ADAMTS20: variants seen among roughly 807,000 people sequenced by gnomAD.
ADAMTS20 encodes the protein A disintegrin and metalloproteinase with thrombospondin motifs 20.
A neutral mutation model predicts 260.1 loss-of-function variants in ADAMTS20; 225 were observed. The ratio of observed to expected loss-of-function variants is 0.87; its 90% CI spans 0.78 to 0.97. The LOEUF is 0.97. Among genes scored for constraint, ADAMTS20 ranks in the 50% least tolerant of loss-of-function variants. The probability of loss-of-function intolerance (pLI) is 0.00; values close to 1 mark genes in which losing one functional copy is unlikely to be tolerated. For missense variants in ADAMTS20, 2,400 were observed against 2,337.7 expected (o/e 1.03, Z -0.55); for synonymous variants, 802 against 769.5 (o/e 1.04, Z -0.70).
At chr12:43,440,437 C>G (rs2137326319) in intron 16 of ADAMTS20, among the ~76,000 whole-genome samples, 1 of 152,222 alleles carries the variant, frequency 6.6e-6, no homozygotes, top group African/African-American at 2.4e-5. Context: ...CGTGAGCAAC[C>G]GCACCTGGCC....
intron 3 of ADAMTS20, among the ~76,000 whole-genome samples, chr12:43,531,565 T>A (rs1943220710): frequency 6.6e-6 from 1 of 152,108 alleles, no homozygotes; most frequent in Admixed American, 6.6e-5. Flanking sequence ...ACCTTATTTA[T>A]ATGTGGAATC....
At chr12:43,437,592 A>C (rs767283639) in intron 18 of ADAMTS20, among the ~76,000 whole-genome samples, 1 of 152,180 alleles carries the variant, frequency 6.6e-6, no homozygotes, top group African/African-American at 2.4e-5. Flanking sequence ...CTAAAGAAAA[A>C]CATTCTCTAT....
chr12:43,428,659 C>G lies in ADAMTS20; in HGVS notation c.3630G>C (p.Glu1210Asp), dbSNP rs1941382144. The G allele has an allele frequency of 6.3e-7, 1 of 1,595,542 alleles. No homozygotes were observed. Residue 1210 changes from glutamate (E) to aspartate (D), a missense_variant, in exon 25 of 39, where the codon GAG becomes GAC. By Grantham distance (45) the Glu-to-Asp change is conservative. Coordinates refer to ENST00000389420, the MANE Select transcript of ADAMTS20 (RefSeq NM_025003.5). ...CGGGTGACCAATCCCCTGCTTGCCA[C>G]TCTCCACAAGGGGTAAAACAGTCCC... ...EIWDCFTPCG[E>D]WQAGDWSPCS...
At chr12:43,409,388 G>C (rs1334737557) in intron 28 of ADAMTS20, among the ~76,000 whole-genome samples, 2 of 151,516 alleles carry the variant, frequency 1.3e-5, no homozygotes, top group Non-Finnish European at 2.9e-5. Context: ...GGATCACGAG[G>C]TCAGGAGATC....
At chr12:43,409,778 T>C (rs532249964) in intron 28 of ADAMTS20, among the ~76,000 whole-genome samples, 3 of 152,010 alleles carry the variant, frequency 2.0e-5, no homozygotes, top group Non-Finnish European at 4.4e-5. Flanking sequence ...AGAAAGAATG[T>C]ATAGCAAAGT....
chr12:43,504,962 C>T (rs1251623995), intron 3 of ADAMTS20, among the ~76,000 whole-genome samples: 1 of 152,148 alleles, frequency 6.6e-6, no homozygotes, highest in Non-Finnish European at 1.5e-5. Context: ...AGTTCCACCC[C>T]TAGGTATTTA....
chr12:43,529,996 G>C (rs1943198500), intron 3 of ADAMTS20, among the ~76,000 whole-genome samples: 1 of 152,038 alleles, frequency 6.6e-6, no homozygotes, highest in Non-Finnish European at 1.5e-5. Context: ...TGTGTATGCT[G>C]ATTGTACCTA....
At chr12:43,496,878 G>C (rs1942685200) in intron 4 of ADAMTS20, among the ~76,000 whole-genome samples, 1 of 152,014 alleles carries the variant, frequency 6.6e-6, no homozygotes, top group Non-Finnish European at 1.5e-5. Context: ...CTATGAGACA[G>C]AGATATTATA....
chr12:43,449,204 A>G (rs1328717853), intron 14 of ADAMTS20, among the ~76,000 whole-genome samples: 4 of 152,192 alleles, frequency 2.6e-5, no homozygotes, highest in Admixed American at 1.3e-4. Flanking sequence ...TTGCAGCACT[A>G]TTTACAATAG....
chr12:43,436,330 T>C (rs1048204587), intron 18 of ADAMTS20, among the ~76,000 whole-genome samples: 28 of 152,108 alleles, frequency 1.8e-4, no homozygotes, highest in Non-Finnish European at 3.8e-4. Flanking sequence ...AAAAGTATTT[T>C]AAAAGAATGG....
chr12:43,452,150 G>C, intron 14 of ADAMTS20, 124 bp downstream of exon 14: 1 of 967,776 alleles, frequency 1.0e-6, no homozygotes, highest in East Asian at 2.7e-5. Flanking sequence ...AACAAAGGTT[G>C]CTTTGTTGGA....
chr12:43,483,057 G>C (rs192570242), intron 7 of ADAMTS20, among the ~76,000 whole-genome samples: 7 of 152,250 alleles, frequency 4.6e-5, no homozygotes, highest in Non-Finnish European at 7.4e-5. Context: ...ACACACTAAG[G>C]CTACTTATAA....
chr12:43,517,565 G>A (rs750196875), intron 3 of ADAMTS20, among the ~76,000 whole-genome samples: 12 of 151,952 alleles, frequency 7.9e-5, no homozygotes, highest in South Asian at 2.1e-4. Flanking sequence ...ACGATATAAC[G>A]TATTCATGGG....
At chr12:43,430,636 T>A (rs1352268862) in intron 22 of ADAMTS20, among the ~76,000 whole-genome samples, 165 bp from the exon 23 acceptor site, 1 of 152,202 alleles carries the variant, frequency 6.6e-6, no homozygotes, top group African/African-American at 2.4e-5. Flanking sequence ...TAAATATGCA[T>A]ATTTATTCAA....
chr12:43,524,955 T>A (rs2049669325), intron 3 of ADAMTS20, among the ~76,000 whole-genome samples: 1 of 152,172 alleles, frequency 6.6e-6, no homozygotes, highest in African/African-American at 2.4e-5. Context: ...TGAAATTTTG[T>A]TTAAGAAAAT....
At chr12:43,428,885 A>G (rs1941388518) in intron 24 of ADAMTS20, 86 bp from the exon 25 acceptor site, 2 of 1,256,342 alleles carry the variant, frequency 1.6e-6, no homozygotes, top group Admixed American at 2.7e-5. Flanking sequence ...TCACATTTCT[A>G]AAACATCCAG....
intron 15 of ADAMTS20, 68 bp downstream of exon 15, chr12:43,446,527 C>T: frequency 8.5e-7 from 1 of 1,182,026 alleles, no homozygotes; most frequent in Non-Finnish European, 1.2e-6. Context: ...ATTACTGTTA[C>T]ACCTTCTTTA....
Position 43,399,239 on chromosome 12 carries a change from A to G in ADAMTS20, c.4285-6T>C, listed in dbSNP as rs1449559628. On this transcript the variant is annotated splice_polypyrimidine_tract_variant and splice_region_variant and intron_variant, in intron 28 of 38. Transcript: ENST00000389420. ...TTACCACAAGAAGCTGAGCACTAGA[A>G]AAGAAATATGAATGCACTTGATTCA... is the stretch of plus-strand genomic sequence containing the variant. The G allele has an allele frequency of 1.6e-5, 24 of 1,499,180 alleles. No homozygotes were observed. The highest frequency in any genetic ancestry group is 2.1e-5 in the Non-Finnish European group (24 of 1,124,866). 92.9% of individuals were successfully genotyped at this position (1,499,180 alleles called of 1,614,324 possible).
intron 2 of ADAMTS20, among the ~76,000 whole-genome samples, chr12:43,540,450 T>C (rs1023505102): frequency 6.6e-6 from 1 of 152,222 alleles, no homozygotes; most frequent in Non-Finnish European, 1.5e-5. Flanking sequence ...GATAAATACT[T>C]GTCCTTTTTA....
Sources: allele counts gnomAD v4.1 joint callset (sites outside exome capture counted in the v4.1 genomes callset), GRCh38; gene constraint gnomAD v4.1.1; transcripts MANE v1.5; gene names NCBI Gene and HGNC (gene_info 2026-07-23, HGNC 2026-07-21).